Variants in CADM1 observed in about 807,000 individuals in gnomAD.
CADM1 encodes the protein cell adhesion molecule 1.
Under a neutral mutation model 53.1 loss-of-function variants are expected in CADM1, and 15 were observed. The ratio of observed to expected loss-of-function variants is 0.28; its 90% CI spans 0.19 to 0.44. CADM1 has a LOEUF of 0.44. Ranked by LOEUF, CADM1 falls within the 20% of genes least tolerant of loss-of-function variation. The probability of loss-of-function intolerance (pLI) is 1.00; values close to 1 mark genes in which losing one functional copy is unlikely to be tolerated. For synonymous variants in CADM1, 281 were observed against 243.0 expected (o/e 1.16, Z -1.45); for missense variants, 434 against 611.3 (o/e 0.71, Z 3.06).
chr11:115,279,712 A>C (rs1003480618), intron 1 of CADM1, among the ~76,000 whole-genome samples: 1 of 152,198 alleles, frequency 6.6e-6, no homozygotes, highest in Non-Finnish European at 1.5e-5. Context: ...CCAAAACAAA[A>C]GCTTTTTGTC....
intron 1 of CADM1, among the ~76,000 whole-genome samples, chr11:115,259,702 G>A (rs888234821): frequency 1.3e-5 from 2 of 152,056 alleles, no homozygotes; most frequent in African/African-American, 4.8e-5. Context: ...CTTCCTTAAC[G>A]TTCGGTATAG....
At chr11:115,327,061 T>C (rs931962654) in intron 1 of CADM1, among the ~76,000 whole-genome samples, 3 of 152,214 alleles carry the variant, frequency 2.0e-5, no homozygotes, top group Admixed American at 6.5e-5. Context: ...ACATTTTACA[T>C]ATAAAAACAT....
At chr11:115,182,484 CA>C (rs1234607593) in intron 10 of CADM1, among the ~76,000 whole-genome samples, 1 of 152,170 alleles carries the variant, frequency 6.6e-6, no homozygotes, top group Non-Finnish European at 1.5e-5. Flanking sequence ...CTCAGTGAAC[CA>C]AGCATGATTG....
At chr11:115,278,506 A>G (rs1325425828) in intron 1 of CADM1, among the ~76,000 whole-genome samples, 2 of 152,162 alleles carry the variant, frequency 1.3e-5, no homozygotes, top group East Asian at 1.9e-4. Flanking sequence ...TGTCATTACT[A>G]TGGAGGGTTC....
rs1444580719 is a variant in CADM1 at position 115,170,681 on chromosome 11, G to A, written c.*5793C>T. The stretch of plus-strand genomic sequence containing the variant: ...TTTGAGATAAACACAGATAAGGCAA[G>A]GACTATAGTTTGCATTTTTAAAAGA... On this transcript the variant is annotated 3_prime_UTR_variant, in exon 12 of 12. Transcript: ENST00000331581. 1 of 152,106 alleles carries A rather than the reference G, an allele frequency of 6.6e-6. No individual in the cohort carries two copies. Among genetic ancestry groups the A allele is most frequent in the Non-Finnish European group, 1.5e-5 (1 of 68,046 alleles). The allele number at this position is 152,106 out of a possible 1,614,324, so 9.4% of individuals were successfully genotyped here. A position where few individuals can be genotyped will look rare whatever the true frequency, so the allele number is the denominator to read the frequency against.
intron 1 of CADM1, among the ~76,000 whole-genome samples, chr11:115,375,369 G>T (rs934672059): frequency 1.3e-5 from 2 of 152,112 alleles, no homozygotes; most frequent in African/African-American, 4.8e-5. Flanking sequence ...AATTTTGAGA[G>T]GCCATGAGGA....
At chr11:115,198,287 T>A in intron 9 of CADM1, 119 bp downstream of exon 9, 3 of 733,552 alleles carry the variant, frequency 4.1e-6, no homozygotes, top group Non-Finnish European at 4.6e-6. Flanking sequence ...ATAGTATATT[T>A]ATGAGGTCAG....
chr11:115,486,127 A>G (rs1180046318), intron 1 of CADM1, among the ~76,000 whole-genome samples: 1 of 152,018 alleles, frequency 6.6e-6, no homozygotes, highest in Non-Finnish European at 1.5e-5. Context: ...TTCTTCCTTC[A>G]CTGCCCTAAT....
At chr11:115,343,871 G>C (rs1240653436) in intron 1 of CADM1, among the ~76,000 whole-genome samples, 1 of 152,060 alleles carries the variant, frequency 6.6e-6, no homozygotes, top group Non-Finnish European at 1.5e-5. Context: ...TCTCTAATAG[G>C]AGTTACGATT....
At chr11:115,289,051 A>G (rs1039278088) in intron 1 of CADM1, among the ~76,000 whole-genome samples, 1 of 152,188 alleles carries the variant, frequency 6.6e-6, no homozygotes, top group Admixed American at 6.5e-5. Flanking sequence ...AGAAAAGCTT[A>G]AACGTTTCTG....
chr11:115,334,785 C>G (rs1945223653), intron 1 of CADM1, among the ~76,000 whole-genome samples: 1 of 152,126 alleles, frequency 6.6e-6, no homozygotes, highest in African/African-American at 2.4e-5. Flanking sequence ...TAGTCTATAA[C>G]ATCACATACA....
intron 1 of CADM1, among the ~76,000 whole-genome samples, chr11:115,350,702 C>A (rs1238254859): frequency 1.3e-5 from 2 of 151,458 alleles, no homozygotes; most frequent in South Asian, 2.1e-4. Flanking sequence ...GTATTTCATG[C>A]CTTAAAAGAA....
chr11:115,233,170 A>G (rs1361205562), intron 3 of CADM1, among the ~76,000 whole-genome samples: 1 of 152,188 alleles, frequency 6.6e-6, no homozygotes. Flanking sequence ...TAATGAGCAG[A>G]GCCAAAGGAT....
intron 1 of CADM1, among the ~76,000 whole-genome samples, chr11:115,313,404 G>C (rs894919872): frequency 1.1e-4 from 16 of 152,124 alleles, no homozygotes; most frequent in Non-Finnish European, 2.2e-4. Context: ...ACATTAACCA[G>C]AAGAAGGTAA....
chr11:115,241,495 G>A (rs11215439), intron 1 of CADM1, among the ~76,000 whole-genome samples: 35,458 of 152,104 alleles, frequency 0.23, 4,642 homozygotes, highest in East Asian at 0.62. Flanking sequence ...CTTTTTAGCT[G>A]TGTGATCTCT....
rs141658963 is a variant in CADM1, at chr11:115,495,726, C to G, written c.124+8545G>C. ...CCCAAAGTCAAACGTGTTGAAAACA[C>G]TAGCTAATAAAGGCCTGGGTTTTAA... On this transcript the variant is annotated intron_variant, in intron 1 of 11. Transcript: ENST00000331581. Among the ~76,000 whole-genome samples, 185 of 152,328 alleles carry G rather than the reference C, an allele frequency of 1.2e-3. 2 individuals are homozygous for G. The highest frequency in any genetic ancestry group is 4.2e-3 in the African/African-American group (176 of 41,576).
At chr11:115,267,943 G>C (rs1178199795) in intron 1 of CADM1, among the ~76,000 whole-genome samples, 4 of 152,076 alleles carry the variant, frequency 2.6e-5, no homozygotes, top group Non-Finnish European at 5.9e-5. Flanking sequence ...AATAGGGTTC[G>C]TCTTGTTAGC....
intron 1 of CADM1, among the ~76,000 whole-genome samples, chr11:115,451,679 T>C (rs1472482732): frequency 1.3e-5 from 2 of 152,306 alleles, no homozygotes; most frequent in African/African-American, 2.4e-5. Flanking sequence ...CCCACAGAGA[T>C]TGTTCTTGAA....
intron 1 of CADM1, among the ~76,000 whole-genome samples, chr11:115,322,474 T>C (rs976951746): frequency 6.6e-6 from 1 of 152,208 alleles, no homozygotes; most frequent in African/African-American, 2.4e-5. Context: ...TTTGAATATA[T>C]TCATAGAGTT....
Sources: gnomAD v4.1 joint callset for allele counts (sites outside exome capture counted in the v4.1 genomes callset) on GRCh38, gnomAD v4.1.1 for gene constraint, MANE v1.5 for transcripts, NCBI Gene and HGNC (gene_info 2026-07-23, HGNC 2026-07-21) for gene names.